Variants in ADGRA3 observed in about 807,000 individuals in gnomAD.
ADGRA3 encodes the protein adhesion G protein-coupled receptor A3.
ADGRA3 carries 56 observed loss-of-function variants against 119.8 expected under a neutral mutation model. The observed-to-expected ratio is 0.47, with a 90% CI of 0.38 to 0.58. The LOEUF (loss-of-function observed/expected upper bound fraction) is 0.58. ADGRA3 is among the 20% of genes least tolerant of loss of function. The pLI is 0.00. For synonymous variants in ADGRA3, 607 were observed against 623.8 expected (o/e 0.97, Z 0.40); for missense variants, 1,516 against 1,649.0 (o/e 0.92, Z 1.40).
At chr4:22,506,320 AG>A (rs1560351831) in intron 1 of ADGRA3, among the ~76,000 whole-genome samples, 1 of 152,170 alleles carries the variant, frequency 6.6e-6, no homozygotes, top group African/African-American at 2.4e-5. Flanking sequence ...TGGGAGGCCA[AG>A]GTGCACCAAT....
chr4:22,502,395 G>C (rs1037269277), intron 1 of ADGRA3, among the ~76,000 whole-genome samples: 1 of 152,166 alleles, frequency 6.6e-6, no homozygotes, highest in African/African-American at 2.4e-5. Flanking sequence ...TGGAATGCTG[G>C]AAATGATGAC....
At chr4:22,479,781 G>A (rs1338251552) in intron 1 of ADGRA3, among the ~76,000 whole-genome samples, 2 of 152,122 alleles carry the variant, frequency 1.3e-5, no homozygotes, top group Non-Finnish European at 2.9e-5. Context: ...ATAAGAAAAT[G>A]TGGCACATGT....
At chr4:22,458,062 T>A (rs796574042) in intron 3 of ADGRA3, among the ~76,000 whole-genome samples, 26 of 152,292 alleles carry the variant, frequency 1.7e-4, no homozygotes, top group African/African-American at 6.3e-4. Flanking sequence ...AAAAAATAGA[T>A]TGCAGGGAAA....
intron 1 of ADGRA3, among the ~76,000 whole-genome samples, chr4:22,476,299 C>A (rs1049222953): frequency 6.6e-6 from 1 of 152,126 alleles, no homozygotes; most frequent in African/African-American, 2.4e-5. Flanking sequence ...CAGTATCCAT[C>A]CTGAGCCGGC....
rs1717465197 is a variant in ADGRA3, at chr4:22,461,770, C to T, written c.368G>A (p.Gly123Asp). ...RNNLISSIDP[G>D]AFWGLSSLKR... ...TAGAGATGACAGTCCCCAGAAGGCACCTGGATCTATACTACTAATAAGATT... is the reference window on the plus strand; with the variant it reads ...TAGAGATGACAGTCCCCAGAAGGCATCTGGATCTATACTACTAATAAGATT... The change falls in exon 3 of 19, where the codon GGT becomes GAT. Residue 123 changes from glycine to aspartate, a missense_variant. Coordinates refer to ENST00000334304, the MANE Select transcript of ADGRA3 (RefSeq NM_145290.4). 1.9e-6 allele frequency: 3 copies of T among 1,608,754 alleles called. No homozygotes were observed. Among genetic ancestry groups the T allele is most frequent in the East Asian group, 2.2e-5 (1 of 44,746 alleles).
chr4:22,422,893 C>T (rs28668190), intron 11 of ADGRA3, among the ~76,000 whole-genome samples: 13,296 of 152,154 alleles, frequency 0.087, 653 homozygotes, highest in South Asian at 0.11. Flanking sequence ...CACTGACTTA[C>T]ATTACAAACA....
At chr4:22,400,694 T>A (rs192930360) in intron 16 of ADGRA3, among the ~76,000 whole-genome samples, 1 of 152,236 alleles carries the variant, frequency 6.6e-6, no homozygotes, top group East Asian at 1.9e-4. Context: ...TGTTATATAT[T>A]TTTTTAATTA....
At chr4:22,420,852 A>T in intron 12 of ADGRA3, 34 bp downstream of exon 12, 6 of 1,577,680 alleles carry the variant, frequency 3.8e-6, no homozygotes, top group Non-Finnish European at 5.2e-6. Flanking sequence ...ATTTAACTGT[A>T]AATAGTCTTA....
At chr4:22,416,468 C>T (rs977762672) in intron 12 of ADGRA3, among the ~76,000 whole-genome samples, 4 of 152,132 alleles carry the variant, frequency 2.6e-5, no homozygotes, top group Non-Finnish European at 5.9e-5. Context: ...TAACACTGCA[C>T]GACTTTGTTT....
At position 22,424,504 on chromosome 4, in the gene ADGRA3, A is replaced by T. The variant is rs577331862; in HGVS notation, c.1444-152T>A. On this transcript the variant is annotated intron_variant, in intron 10 of 18. Transcript: ENST00000334304. Reference sequence around the variant, plus strand: ...CACTTTACTTGTTTCTCATGAAAACATCTTCAGATATGAACAGTTATTTCA... The same window carrying T: ...CACTTTACTTGTTTCTCATGAAAACTTCTTCAGATATGAACAGTTATTTCA... The T allele has an allele frequency of 3.3e-5, 25 of 764,790 alleles. 1 individual carries two copies. In the South Asian group the frequency reaches 5.0e-4, roughly 15 times the overall value. 47.4% of individuals were successfully genotyped at this position (764,790 alleles called of 1,614,324 possible).
intron 2 of ADGRA3, among the ~76,000 whole-genome samples, chr4:22,465,210 C>T (rs1355145506): frequency 3.3e-5 from 5 of 152,142 alleles, no homozygotes; most frequent in Non-Finnish European, 7.3e-5. Context: ...GTTGGGGGAG[C>T]AGCCTTCTCC....
intron 3 of ADGRA3, among the ~76,000 whole-genome samples, chr4:22,455,188 C>T (rs1717196247): frequency 6.6e-6 from 1 of 152,192 alleles, no homozygotes; most frequent in South Asian, 2.1e-4. Context: ...CAAGCACTTA[C>T]TCTTGCAAAA....
At chr4:22,468,113 G>A (rs955669002) in intron 2 of ADGRA3, among the ~76,000 whole-genome samples, 2 of 152,132 alleles carry the variant, frequency 1.3e-5, no homozygotes, top group African/African-American at 4.8e-5. Flanking sequence ...ATGTAACTGT[G>A]CCTTCAGGCT....
chr4:22,414,671 T>C, intron 12 of ADGRA3: 2 of 670,554 alleles, frequency 3.0e-6, no homozygotes, highest in Admixed American at 2.4e-5. Context: ...CAATGTTTAA[T>C]ACTAAGCCCA....
Position 22,413,288 on chromosome 4 carries a change from A to T in ADGRA3, c.2126T>A (p.Leu709Gln). ...AVAARWDFDL[L>Q]NGQGGWKSDG... Reference sequence around the variant, plus strand: ...TGACTTCCAGCCTCCTTGTCCGTTCAGCAAATCGAAATCCCACCGGGCTGC... The same window carrying T: ...TGACTTCCAGCCTCCTTGTCCGTTCTGCAAATCGAAATCCCACCGGGCTGC... The change falls in exon 14 of 19, where the codon CTG (leucine) becomes CAG (glutamine). Residue 709 changes from leucine (L) to glutamine (Q), a missense_variant. Around this residue, in one of 2 missense-constraint regions of ADGRA3, gnomAD observed 1,088 missense variants for 1,107.1 expected, o/e 0.98. Transcript: ENST00000334304. 3 of 1,614,140 alleles carry T rather than the reference A, an allele frequency of 1.9e-6. No individual in the cohort carries two copies. Among genetic ancestry groups the T allele is most frequent in the Non-Finnish European group, 2.5e-6 (3 of 1,179,974 alleles).
At chr4:22,458,503 A>G (rs1717320982) in intron 3 of ADGRA3, among the ~76,000 whole-genome samples, 1 of 152,192 alleles carries the variant, frequency 6.6e-6, no homozygotes, top group African/African-American at 2.4e-5. Context: ...TAATTCCATT[A>G]GACTGCAAAC....
chr4:22,401,183 A>G (rs4697298), intron 16 of ADGRA3, among the ~76,000 whole-genome samples: 5,797 of 152,314 alleles, frequency 0.038, 259 homozygotes, highest in East Asian at 0.24. Context: ...CATTGTAATA[A>G]TAGCCATAAC....
intron 16 of ADGRA3, chr4:22,397,974 TAAC>T: frequency 1.8e-6 from 1 of 563,786 alleles, no homozygotes; most frequent in Non-Finnish European, 2.2e-6. Context: ...TCCGAAACAG[TAAC>T]AATAAAGTGA....
At chr4:22,409,144 T>C (rs1715080809) in intron 14 of ADGRA3, among the ~76,000 whole-genome samples, 1 of 152,202 alleles carries the variant, frequency 6.6e-6, no homozygotes, top group Non-Finnish European at 1.5e-5. Context: ...AGCACTCTAC[T>C]ACAAATCTTG....
Sources: allele counts gnomAD v4.1 joint callset (sites outside exome capture counted in the v4.1 genomes callset), GRCh38; gene constraint gnomAD v4.1.1; regional missense constraint gnomAD v4.1.1; transcripts MANE v1.5; gene names NCBI Gene and HGNC (gene_info 2026-07-23, HGNC 2026-07-21).